Variants in DOCK8 observed in about 807,000 individuals in gnomAD.
DOCK8 encodes dedicator of cytokinesis protein 8.
DOCK8 carries 141 observed loss-of-function variants against 245.6 expected under a neutral mutation model. The ratio of observed to expected loss-of-function variants is 0.57; its 90% CI spans 0.50 to 0.66. The LOEUF is 0.66. DOCK8 is among the 30% of genes least tolerant of loss of function. The pLI is 0.00. For missense variants in DOCK8, 2,965 were observed against 2,603.4 expected (o/e 1.14, Z -3.02); for synonymous variants, 1,168 against 970.2 (o/e 1.20, Z -3.79).
chr9:327,346 A>G (rs1217131140), intron 8 of DOCK8, among the ~76,000 whole-genome samples: 2 of 137,048 alleles, frequency 1.5e-5, no homozygotes, highest in African/African-American at 5.5e-5. Context: ...GGTGACTTGT[A>G]TTTTGCTTTT....
chr9:399,905 A>C (rs2054666341), intron 26 of DOCK8, among the ~76,000 whole-genome samples: 1 of 151,458 alleles, frequency 6.6e-6, no homozygotes, highest in African/African-American at 2.4e-5. Flanking sequence ...TAGTACCATC[A>C]TTACTGCTAC....
chr9:440,592 T>A (rs976189901), intron 40 of DOCK8, among the ~76,000 whole-genome samples: 3 of 152,208 alleles, frequency 2.0e-5, no homozygotes, highest in Non-Finnish European at 4.4e-5. Context: ...TGAATTAGAA[T>A]CCTACTAACT....
chr9:230,130 C>A (rs2047077016), intron 1 of DOCK8, among the ~76,000 whole-genome samples: 1 of 149,100 alleles, frequency 6.7e-6, no homozygotes, highest in Admixed American at 6.8e-5. Context: ...GTTCAATTCC[C>A]ACCTATGAGT....
upstream of DOCK8, chr9:214,671 G>A: frequency 6.3e-7 from 1 of 1,594,930 alleles, no homozygotes; most frequent in Non-Finnish European, 8.5e-7. Context: ...GGAGGTCGGC[G>A]GCCCCGGGCA....
chr9:436,327 A>C (rs531743043), intron 39 of DOCK8, among the ~76,000 whole-genome samples: 2 of 152,378 alleles, frequency 1.3e-5, no homozygotes, highest in South Asian at 2.1e-4. Context: ...ACCTGATTTC[A>C]AATCACATAG....
intron 43 of DOCK8, among the ~76,000 whole-genome samples, 189 bp downstream of exon 43, chr9:443,705 T>A (rs2057163134): frequency 6.6e-6 from 1 of 152,224 alleles, no homozygotes; most frequent in African/African-American, 2.4e-5. Flanking sequence ...GGAATCATAA[T>A]AGGAGCTACC....
rs12337427 is a variant in DOCK8 at position 386,552 on chromosome 9, A to C, written c.2874+126A>C. The C allele has an allele frequency of 0.016, 11,877 of 764,942 alleles. 275 individuals are homozygous for C. The highest frequency in any genetic ancestry group is 0.085 in the African/African-American group (4,926 of 58,218). 47.4% of individuals were successfully genotyped at this position (764,942 alleles called of 1,614,324 possible). A position where few individuals can be genotyped will look rare whatever the true frequency, so the allele number is the denominator to read the frequency against. On this transcript the variant is annotated intron_variant, in intron 23 of 47. Coordinates refer to ENST00000432829, the MANE Select transcript of DOCK8 (RefSeq NM_203447.4). ...CTGTCCCTGATGTGCTAACACACAC[A>C]CACCCCACACACACTTTTGCAGCCC...
At chr9:285,143 C>A (rs887520154) in intron 2 of DOCK8, among the ~76,000 whole-genome samples, 5 of 152,104 alleles carry the variant, frequency 3.3e-5, no homozygotes, top group Admixed American at 3.3e-4. Flanking sequence ...GCCTAATTTG[C>A]AGCTTCATCC....
chr9:223,953 C>T (rs2046936437), intron 1 of DOCK8, among the ~76,000 whole-genome samples: 1 of 152,030 alleles, frequency 6.6e-6, no homozygotes, highest in Non-Finnish European at 1.5e-5. Flanking sequence ...GATCCAAAGT[C>T]ATTAGCACTC....
intron 26 of DOCK8, among the ~76,000 whole-genome samples, chr9:403,992 G>A (rs7466003): frequency 0.024 from 1,610 of 68,398 alleles, 105 homozygotes; most frequent in African/African-American, 0.12. Flanking sequence ...ATATATATAT[G>A]TGTATATATA....
At chr9:355,277 C>T (rs1353521947) in intron 14 of DOCK8, among the ~76,000 whole-genome samples, 1 of 146,540 alleles carries the variant, frequency 6.8e-6, no homozygotes, top group African/African-American at 2.5e-5. Flanking sequence ...AATCTCAGCT[C>T]ACTGCAACCT....
intron 8 of DOCK8, among the ~76,000 whole-genome samples, chr9:326,375 T>C (rs534764223): frequency 6.6e-6 from 1 of 152,296 alleles, no homozygotes; most frequent in South Asian, 2.1e-4. Context: ...TAGGATAGGT[T>C]AACTGCTAAA....
intron 6 of DOCK8, among the ~76,000 whole-genome samples, chr9:315,031 C>G (rs180887688): frequency 3.3e-5 from 5 of 152,110 alleles, no homozygotes; most frequent in African/African-American, 9.7e-5. Flanking sequence ...CACTGATACT[C>G]CAAATTATAG....
rs1460688561 is a variant in DOCK8 at position 390,771 on chromosome 9, C to G, written c.2970+205C>G. On this transcript the variant is annotated intron_variant, in intron 24 of 47. Coordinates refer to ENST00000432829, the MANE Select transcript of DOCK8 (RefSeq NM_203447.4). ...AAAATCTATCGCCGTCCTGTGAGTT[C>G]TCATCACCTTCACCACTCTCCACCT... 2.0e-5 allele frequency among the ~76,000 whole-genome samples: 3 copies of G among 152,104 alleles called. No homozygotes were observed. In the East Asian group the frequency reaches 5.8e-4, roughly 29 times the overall value.
At chr9:394,965 A>G (rs2054378717) in intron 24 of DOCK8, among the ~76,000 whole-genome samples, 1 of 152,204 alleles carries the variant, frequency 6.6e-6, no homozygotes, top group Non-Finnish European at 1.5e-5. Context: ...CAGGAGCCAA[A>G]TACAGCAGTG....
chr9:344,249 C>A (rs947033851), intron 14 of DOCK8, among the ~76,000 whole-genome samples: 5 of 152,158 alleles, frequency 3.3e-5, no homozygotes, highest in African/African-American at 1.2e-4. Context: ...GCTCTCAGGC[C>A]ACCATATTTT....
At chr9:318,337 C>T (rs1447001666) in intron 7 of DOCK8, among the ~76,000 whole-genome samples, 3 of 152,206 alleles carry the variant, frequency 2.0e-5, no homozygotes, top group African/African-American at 4.8e-5. Context: ...TCAGCGGCCC[C>T]TGGTTTGCAG....
chr9:325,971 A>G (rs1586704335), intron 8 of DOCK8, among the ~76,000 whole-genome samples: 1 of 152,226 alleles, frequency 6.6e-6, no homozygotes, highest in African/African-American at 2.4e-5. Context: ...GCCTGGTTGG[A>G]ATAGAGAAAG....
In DOCK8 at chr9:420,292, A is replaced by G. The variant is rs1408767508; in HGVS notation, c.3841-109A>G. ...CCTAGCAGTGATGTACAGTCATGGTATTTTAAGAGAACACTTTGAATTTTT... is the reference window on the plus strand; with the variant it reads ...CCTAGCAGTGATGTACAGTCATGGTGTTTTAAGAGAACACTTTGAATTTTT... On this transcript the variant is annotated intron_variant, in intron 30 of 47. Coordinates refer to ENST00000432829, the MANE Select transcript of DOCK8 (RefSeq NM_203447.4). The G allele has an allele frequency of 1.2e-5, 14 of 1,184,486 alleles. No homozygotes were observed. In the Admixed American group the frequency reaches 1.2e-4, roughly 10 times the overall value. 73.4% of individuals were successfully genotyped at this position (1,184,486 alleles called of 1,614,324 possible).
Sources: allele counts gnomAD v4.1 joint callset (sites outside exome capture counted in the v4.1 genomes callset), GRCh38; gene constraint gnomAD v4.1.1; transcripts MANE v1.5; gene names NCBI Gene and HGNC (gene_info 2026-07-23, HGNC 2026-07-21).